STK35: variants seen among roughly 807,000 people sequenced by gnomAD.
STK35 encodes the protein serine/threonine-protein kinase 35.
STK35 carries 17 observed loss-of-function variants against 37.3 expected under a neutral mutation model. The ratio of observed to expected loss-of-function variants is 0.46; its 90% confidence interval spans 0.31 to 0.68. The LOEUF is 0.68. STK35 is among the 30% of genes least tolerant of loss of function. The probability of loss-of-function intolerance (pLI) is 0.05; values close to 1 mark genes in which losing one functional copy is unlikely to be tolerated. For synonymous variants in STK35, 385 were observed against 319.1 expected, an observed-to-expected ratio of 1.21 and a Z score of -2.20; for missense variants, 595 against 746.7, an observed-to-expected ratio of 0.80 and a Z score of 2.37.
chr20:2,103,286 C>A lies in STK35; in HGVS notation c.813C>A (p.Arg271=). 1.2e-6 allele frequency: 2 copies of A among 1,613,070 alleles called. No homozygotes were observed. The highest frequency in any genetic ancestry group is 8.5e-7 in the Non-Finnish European group (1 of 1,179,808). ...AGTTTGAGGAGTGCGTCCTGCAGCG[C>A]AATGGGTTAGCCCAGCGCATGAGTC... The part of the protein sequence containing the change: ...VVQFEECVLQ[R]NGLAQRMSHG... The change falls in exon 2 of 4, where the codon CGC becomes CGA. Residue 271 remains arginine (R), a synonymous_variant. Coordinates refer to ENST00000381482, the MANE Select transcript of STK35 (RefSeq NM_080836.4).
At chr20:2,141,897 T>G (rs1446644353) in intron 3 of STK35, among the ~76,000 whole-genome samples, 1 of 152,218 alleles carries the variant, frequency 6.6e-6, no homozygotes, top group African/African-American at 2.4e-5. Flanking sequence ...TTTGGACTTG[T>G]GAGTTGTTAT....
chr20:2,129,677 C>T (rs780646202), intron 3 of STK35, among the ~76,000 whole-genome samples: 16 of 152,002 alleles, frequency 1.1e-4, no homozygotes, highest in Admixed American at 2.6e-4. Flanking sequence ...TACGAGAGTA[C>T]CATAGGTACA....
chr20:2,125,948 G>C (rs926684908), intron 3 of STK35, among the ~76,000 whole-genome samples: 1 of 152,252 alleles, frequency 6.6e-6, no homozygotes, highest in Non-Finnish European at 1.5e-5. Flanking sequence ...CAGCTGCAAG[G>C]AAAGGGCTCC....
intron 2 of STK35, among the ~76,000 whole-genome samples, chr20:2,105,397 T>C (rs1309616691): frequency 6.6e-6 from 1 of 152,214 alleles, no homozygotes; most frequent in African/African-American, 2.4e-5. Flanking sequence ...CAACCTCAGC[T>C]TGAAGCTCTT....
intron 3 of STK35, among the ~76,000 whole-genome samples, chr20:2,129,110 A>G (rs1391214805): frequency 6.6e-6 from 1 of 152,180 alleles, no homozygotes; most frequent in African/African-American, 2.4e-5. Context: ...GGCTTGAGCC[A>G]CTGCACCAGG....
rs1217251258 is a variant in STK35, at chr20:2,146,650, C to CT, written c.*2905dup. 1 of 152,808 alleles carries CT rather than the reference C, an allele frequency of 6.5e-6. No individual in the cohort carries two copies. The highest frequency in any genetic ancestry group is 1.5e-5 in the Non-Finnish European group (1 of 68,190). The allele number at this position is 152,808 out of a possible 1,614,324, so 9.5% of individuals were successfully genotyped here. ...GCTTCTTTCTCCCTATCTGTGTCCT[C>CT]TGTCACTTGCTCTTTCACTCTCTCT... On this transcript the variant is annotated 3_prime_UTR_variant, in exon 4 of 4. Transcript: ENST00000381482.
intron 3 of STK35, among the ~76,000 whole-genome samples, chr20:2,141,079 A>G (rs758642615): frequency 2.0e-5 from 3 of 152,188 alleles, no homozygotes; most frequent in Non-Finnish European, 4.4e-5. Flanking sequence ...ATCGTATTTC[A>G]CAAGGTCTTA....
intron 3 of STK35, among the ~76,000 whole-genome samples, chr20:2,122,276 G>T (rs1985832514): frequency 1.3e-5 from 2 of 152,112 alleles, no homozygotes; most frequent in South Asian, 2.1e-4. Context: ...AGGTTGCAGT[G>T]AGCCAGGATC....
intron 3 of STK35, among the ~76,000 whole-genome samples, chr20:2,125,108 G>C (rs60709694): frequency 0.011 from 1,619 of 152,274 alleles, 25 homozygotes; most frequent in African/African-American, 0.034. Context: ...TGGCCTCCTT[G>C]GTGCCACCTA....
intron 3 of STK35, among the ~76,000 whole-genome samples, chr20:2,131,496 G>A (rs1309599347): frequency 6.6e-6 from 1 of 151,856 alleles, no homozygotes; most frequent in Non-Finnish European, 1.5e-5. Flanking sequence ...ATTAAAAATG[G>A]TATACCTATA....
intron 2 of STK35, among the ~76,000 whole-genome samples, chr20:2,113,658 G>A (rs6081995): frequency 0.32 from 48,616 of 151,828 alleles, 8,181 homozygotes; most frequent in Non-Finnish European, 0.39. Flanking sequence ...TTACTCTTAC[G>A]GCCTACAGCA....
chr20:2,136,394 G>C (rs1412226614), intron 3 of STK35, among the ~76,000 whole-genome samples: 1 of 152,214 alleles, frequency 6.6e-6, no homozygotes, highest in Non-Finnish European at 1.5e-5. Context: ...GCAGCACCCT[G>C]TAGCATGGTA....
At chr20:2,137,371 A>G (rs564923886) in intron 3 of STK35, among the ~76,000 whole-genome samples, 58 of 152,300 alleles carry the variant, frequency 3.8e-4, no homozygotes, top group African/African-American at 1.3e-3. Context: ...CCTCCAAGCC[A>G]CGCTCCTCTG....
At chr20:2,110,192 AAC>A (rs1985591680) in intron 2 of STK35, among the ~76,000 whole-genome samples, 1 of 152,212 alleles carries the variant, frequency 6.6e-6, no homozygotes. Context: ...CCAGCTCTTT[AAC>A]TAAAATATTT....
At position 2,103,132 on chromosome 20, in the gene STK35, T is replaced by TGGC. The variant is rs1568572449; in HGVS notation, c.660_662dup (p.Ala221dup). Reference sequence around the variant, plus strand: ...AGCTACGGCGTGGTTTATGAGGCAGTGGCCGGGCGCAGCGGGGCCCGGGTG... The same window carrying TGGC: ...AGCTACGGCGTGGTTTATGAGGCAGTGGCGGCCGGGCGCAGCGGGGCCCGGGTG... On this transcript the variant is annotated inframe_insertion, in exon 2 of 4. Coordinates refer to ENST00000381482, the MANE Select transcript of STK35 (RefSeq NM_080836.4). The TGGC allele has an allele frequency of 6.2e-7, 1 of 1,603,420 alleles. No homozygotes were observed. Among genetic ancestry groups the TGGC allele is most frequent in the Non-Finnish European group, 8.5e-7 (1 of 1,178,894 alleles).
intron 3 of STK35, among the ~76,000 whole-genome samples, chr20:2,128,087 T>G (rs942099306): frequency 3.9e-5 from 6 of 152,118 alleles, no homozygotes; most frequent in Admixed American, 3.9e-4. Flanking sequence ...CAGCATCACC[T>G]GGGAACTTGT....
intron 3 of STK35, among the ~76,000 whole-genome samples, chr20:2,119,649 T>A (rs2122557839): frequency 6.6e-6 from 1 of 152,356 alleles, no homozygotes; most frequent in Non-Finnish European, 1.5e-5. Flanking sequence ...TATTCAAGCA[T>A]CCCCCACCCC....
Position 2,103,137 on chromosome 20 carries a change from G to C in STK35, c.664G>C (p.Gly222Arg), listed in dbSNP as rs1008549027. The change falls in exon 2 of 4, where the codon GGG becomes CGG. Residue 222 changes from glycine (G) to arginine (R), a missense_variant. By Grantham distance (125) the Gly-to-Arg change is moderately radical. Transcript: ENST00000381482. ...SYGVVYEAVA[G>R]RSGARVAVKK... ...CGGCGTGGTTTATGAGGCAGTGGCC[G>C]GGCGCAGCGGGGCCCGGGTGGCGGT... 1.2e-6 allele frequency: 2 copies of C among 1,604,856 alleles called. No homozygotes were observed. The highest frequency in any genetic ancestry group is 1.1e-5 in the South Asian group (1 of 90,798).
chr20:2,123,959 G>C (rs1277445111), intron 3 of STK35, among the ~76,000 whole-genome samples: 1 of 152,120 alleles, frequency 6.6e-6, no homozygotes, highest in African/African-American at 2.4e-5. Context: ...GGTCGTCCCT[G>C]GGCTGAGTGC....
Sources: allele counts gnomAD v4.1 joint callset (sites outside exome capture counted in the v4.1 genomes callset), GRCh38; gene constraint gnomAD v4.1.1; transcripts MANE v1.5; gene names NCBI Gene and HGNC (gene_info 2026-07-23, HGNC 2026-07-21).